Variants in EI24 observed in about 807,000 individuals in gnomAD.
EI24 encodes EI24 autophagy associated transmembrane protein.
In EI24, 21 loss-of-function variants were observed where a neutral mutation model predicts 48.6. The observed-to-expected ratio is 0.43, with a 90% CI of 0.31 to 0.62. EI24 has a LOEUF of 0.62. EI24 is among the 20% of genes least tolerant of loss of function. The pLI, the probability that EI24 is intolerant of heterozygous loss-of-function variation, is 0.10. For missense variants in EI24, 280 were observed against 410.5 expected (o/e 0.68, Z 2.75); for synonymous variants, 114 against 145.5 (o/e 0.78, Z 1.56).
intron 4 of EI24, among the ~76,000 whole-genome samples, 186 bp from the exon 5 acceptor site, chr11:125,577,318 C>T (rs1591357238): frequency 6.6e-6 from 1 of 152,192 alleles, no homozygotes; most frequent in African/African-American, 2.4e-5. Context: ...TCTCGAACTC[C>T]TGACCTCAAG....
chr11:125,575,533 C>A, intron 3 of EI24, 125 bp downstream of exon 3: 1 of 1,122,658 alleles, frequency 8.9e-7, no homozygotes, highest in Non-Finnish European at 1.2e-6. Context: ...AAGTGATTTC[C>A]CCCCAACAAC....
In EI24 at chr11:125,575,237, A is replaced by G. The variant is rs1021177812; in HGVS notation, c.43-26A>G. 9.2e-6 allele frequency: 14 copies of G among 1,515,312 alleles called. No individual in the cohort carries two copies. The African/African-American group carries it at 1.9e-4, about 21-fold the overall frequency. The allele number at this position is 1,515,312 out of a possible 1,614,324, so 93.9% of individuals were successfully genotyped here. A position where few individuals can be genotyped will look rare whatever the true frequency, so the allele number is the denominator to read the frequency against. On this transcript the variant is annotated intron_variant, in intron 2 of 10. Transcript: ENST00000278903. Reference sequence around the variant, plus strand: ...GCAAGACCCTGTCTCAAATAATAATAATAATAATGATAGCCTTTTCTATAG... The same window carrying G: ...GCAAGACCCTGTCTCAAATAATAATGATAATAATGATAGCCTTTTCTATAG...
Position 125,572,473 on chromosome 11 carries a change from A to C in EI24, c.-55A>C. On this transcript the variant is annotated 5_prime_UTR_variant, in exon 2 of 11. Transcript: ENST00000278903. ...CTGTTTCCAGATCCTTCATGATGAG[A>C]GATTTGGGGACACTTCTCTCTCCTG... The C allele has an allele frequency of 6.5e-7, 1 of 1,531,266 alleles. No homozygotes were observed. The highest frequency in any genetic ancestry group is 1.1e-5 in the South Asian group (1 of 88,354). The allele number at this position is 1,531,266 out of a possible 1,614,324, so 94.9% of individuals were successfully genotyped here.
chr11:125,575,141 C>A, intron 2 of EI24, 122 bp from the exon 3 acceptor site: 1 of 830,114 alleles, frequency 1.2e-6, no homozygotes, highest in Non-Finnish European at 1.7e-6. Flanking sequence ...GCAGGAGGAT[C>A]ATTTGAACCC....
intron 7 of EI24, among the ~76,000 whole-genome samples, chr11:125,579,283 T>C (rs900367849): frequency 2.6e-5 from 4 of 152,166 alleles, no homozygotes; most frequent in African/African-American, 7.2e-5. Flanking sequence ...ACCTGCTTTT[T>C]TCTGCTACTC....
At chr11:125,579,585 T>C (rs1296347256) in intron 7 of EI24, among the ~76,000 whole-genome samples, 1 of 152,136 alleles carries the variant, frequency 6.6e-6, no homozygotes, top group East Asian at 1.9e-4. Context: ...GAGAATCGCT[T>C]GAACCCAGGA....
In EI24 at chr11:125,583,750, CCT is replaced by C; in HGVS notation, c.*69_*70del. 1 of 1,566,562 alleles carries C rather than the reference CCT, an allele frequency of 6.4e-7. No homozygotes were observed. Among genetic ancestry groups the C allele is most frequent in the Non-Finnish European group, 8.7e-7 (1 of 1,155,268 alleles). On this transcript the variant is annotated 3_prime_UTR_variant, in exon 11 of 11. Transcript: ENST00000278903. ...CTGTGGCAGCTCTTTTCCCTGTTCACCTCCCGCCTGCCAGGGAAGGCAGGACC... is the reference window on the plus strand; with the variant it reads ...CTGTGGCAGCTCTTTTCCCTGTTCACCCCGCCTGCCAGGGAAGGCAGGACC...
At chr11:125,569,760 T>C in intron 1 of EI24, 187 bp downstream of exon 1, 1 of 304,004 alleles carries the variant, frequency 3.3e-6, no homozygotes, top group Non-Finnish European at 6.0e-6. Flanking sequence ...CTGCCCCAGG[T>C]GCGGCGCAGC....
chr11:125,576,127 A>G (rs1012123777), intron 3 of EI24, 128 bp from the exon 4 acceptor site: 3 of 896,504 alleles, frequency 3.3e-6, no homozygotes, highest in African/African-American at 3.3e-5. Flanking sequence ...ACATTAGAAC[A>G]TTGGGAGAAC....
chr11:125,575,979 CAG>C (rs1173246708), intron 3 of EI24: 1 of 420,684 alleles, frequency 2.4e-6, no homozygotes, highest in African/African-American at 2.0e-5. Flanking sequence ...TTAGTGGAGA[CAG>C]GGTTTTGCCA....
rs1327578743 is a variant in EI24 at position 125,583,556 on chromosome 11, T to C, written c.896T>C (p.Phe299Ser). 1.2e-6 allele frequency: 2 copies of C among 1,609,282 alleles called. No homozygotes were observed. The highest frequency in any genetic ancestry group is 1.7e-6 in the Non-Finnish European group (2 of 1,177,884). Reference protein sequence around the residue: ...FQLRLFSLVVFLSNRLFHKTV... With the variant: ...FQLRLFSLVVSLSNRLFHKTV... Reference sequence around the variant, plus strand: ...TTGCGCCTCTTCTCCTTGGTGGTCTTCTTAAGCAACAGACTCTTCCACAAG... The same window carrying C: ...TTGCGCCTCTTCTCCTTGGTGGTCTCCTTAAGCAACAGACTCTTCCACAAG... Residue 299 changes from phenylalanine (F) to serine (S), a missense_variant, in exon 11 of 11, where the codon TTC (phenylalanine) becomes TCC (serine). Phe to Ser is a radical substitution (Grantham distance 155). Coordinates refer to ENST00000278903, the MANE Select transcript of EI24 (RefSeq NM_004879.5).
At chr11:125,581,370 C>T (rs756140639) in intron 9 of EI24, 48 bp downstream of exon 9, 2 of 1,311,640 alleles carry the variant, frequency 1.5e-6, no homozygotes, top group East Asian at 2.4e-5. Flanking sequence ...AATAAAAATT[C>T]ATGAAGTCAG....
intron 6 of EI24, among the ~76,000 whole-genome samples, chr11:125,578,634 T>A (rs1341617013): frequency 9.8e-6 from 1 of 102,508 alleles, no homozygotes; most frequent in African/African-American, 3.4e-5. Context: ...CCTGGCTAAT[T>A]TTTTTTGTAT....
At position 125,578,979 on chromosome 11, in the gene EI24, G is replaced by A. The variant is rs777357915; in HGVS notation, c.472G>A (p.Gly158Arg). ...AGCTGACCTGGCATTTGAGGTATCA[G>A]GGAGGAAGCCTCACCCATTCCCTAG... Reference protein sequence around the residue: ...DIADLAFEVSGRKPHPFPSVS... With the variant: ...DIADLAFEVSRRKPHPFPSVS... The change falls in exon 7 of 11, where the codon GGG becomes AGG. Residue 158 changes from glycine (G) to arginine (R), a missense_variant. This residue lies in a region of EI24 where 204 missense variants were observed against 294.1 expected (regional missense o/e 0.69). Transcript: ENST00000278903. 3 of 1,591,804 alleles carry A rather than the reference G, an allele frequency of 1.9e-6. No homozygotes were observed. Among genetic ancestry groups the A allele is most frequent in the Admixed American group, 3.5e-5 (2 of 56,464 alleles).
intron 9 of EI24, among the ~76,000 whole-genome samples, chr11:125,581,668 TC>T (rs1215176462): frequency 3.5e-5 from 5 of 143,274 alleles, no homozygotes; most frequent in Non-Finnish European, 7.5e-5. Flanking sequence ...TGCCTCAGCC[TC>T]CCAAGTAGCT....
At chr11:125,582,198 C>CAA (rs1367192910) in intron 9 of EI24, 148 bp from the exon 10 acceptor site, 212 of 634,086 alleles carry the variant, frequency 3.3e-4, no homozygotes, top group Middle Eastern at 6.8e-4. Flanking sequence ...GACTCCATCT[C>CAA]AAAAAAAAAA....
chr11:125,577,756 CT>C (rs1040087690), intron 5 of EI24, 186 bp downstream of exon 5: 11 of 578,694 alleles, frequency 1.9e-5, no homozygotes, highest in African/African-American at 1.7e-4. Context: ...AGAATGGGTA[CT>C]GTTGTTCTAT....
At chr11:125,573,147 C>T (rs1938593419) in intron 2 of EI24, among the ~76,000 whole-genome samples, 2 of 151,976 alleles carry the variant, frequency 1.3e-5, no homozygotes, top group African/African-American at 4.8e-5. Flanking sequence ...CTCAAGTGAT[C>T]CACCCGCCTT....
Position 125,577,497 on chromosome 11 carries a change from T to G in EI24, c.250-7T>G. On this transcript the variant is annotated splice_region_variant and splice_polypyrimidine_tract_variant and intron_variant, in intron 4 of 10. Transcript: ENST00000278903. ...TTGATGTTTGCCTTGTTGCTTCTTT[T>G]CTTTAGTTCAGTCTCCTCTTGTTTT... is the stretch of plus-strand genomic sequence containing the variant. The G allele has an allele frequency of 6.2e-7, 1 of 1,609,332 alleles. No homozygotes were observed. Among genetic ancestry groups the G allele is most frequent in the South Asian group, 1.1e-5 (1 of 89,838 alleles).
Sources: gnomAD v4.1 joint callset for allele counts (sites outside exome capture counted in the v4.1 genomes callset) on GRCh38, gnomAD v4.1.1 for gene constraint, gnomAD v4.1.1 regional missense constraint, MANE v1.5 for transcripts, NCBI Gene and HGNC (gene_info 2026-07-23, HGNC 2026-07-21) for gene names.